IGSF11: variants seen among roughly 807,000 people sequenced by gnomAD.
IGSF11 encodes the protein immunoglobulin superfamily member 11, also known as CXADR like 1.
In IGSF11, 22 loss-of-function variants were observed where a neutral mutation model predicts 41.0. That is an observed-to-expected ratio of 0.54 (90% CI 0.38 to 0.77). IGSF11 has a LOEUF of 0.77. Among genes scored for constraint, IGSF11 ranks in the 30% least tolerant of loss-of-function variants. The probability of loss-of-function intolerance (pLI) is 0.00; values close to 1 mark genes in which losing one functional copy is unlikely to be tolerated. For missense variants in IGSF11, 444 were observed against 530.8 expected (o/e 0.84, Z 1.61); for synonymous variants, 219 against 201.3 (o/e 1.09, Z -0.74).
At chr3:118,904,131 C>A (rs556904307) in intron 6 of IGSF11, among the ~76,000 whole-genome samples, 1 of 152,244 alleles carries the variant, frequency 6.6e-6, no homozygotes, top group East Asian at 1.9e-4. Context: ...TGAGCCCGAA[C>A]CCTCAAATCT....
At chr3:119,124,596 C>T (rs2077378576) in intron 1 of IGSF11, among the ~76,000 whole-genome samples, 20 of 151,328 alleles carry the variant, frequency 1.3e-4, no homozygotes, top group Admixed American at 1.3e-3. Flanking sequence ...TGAAGACAGA[C>T]TATTTGAAAA....
chr3:119,034,591 C>A lies in IGSF11; in HGVS notation c.-9G>T, dbSNP rs751584886. The A allele has an allele frequency of 3.8e-6, 6 of 1,585,200 alleles. No homozygotes were observed. The highest frequency in any genetic ancestry group is 5.1e-6 in the Non-Finnish European group (6 of 1,167,352). On this transcript the variant is annotated 5_prime_UTR_variant, in exon 1 of 7. Coordinates refer to ENST00000393775, the MANE Select transcript of IGSF11 (RefSeq NM_001015887.3). ...GAACGCTGAGAAGTCATCCCGGGGC[C>A]GCAGGGAGCGCGCCTGCCTCCTACC...
At chr3:119,076,200 C>T (rs1576768336) in intron 1 of IGSF11, among the ~76,000 whole-genome samples, 1 of 152,172 alleles carries the variant, frequency 6.6e-6, no homozygotes, top group African/African-American at 2.4e-5. Context: ...GGAAAACTGG[C>T]TAGCCATATG....
At chr3:118,993,727 A>T (rs1936007918) in intron 1 of IGSF11, among the ~76,000 whole-genome samples, 1 of 152,226 alleles carries the variant, frequency 6.6e-6, no homozygotes, top group African/African-American at 2.4e-5. Flanking sequence ...CCTTGAAAAC[A>T]TTATATAAAG....
At chr3:118,975,363 T>TTAAAAAAAAAAAAAAA (rs765744961) in intron 1 of IGSF11, among the ~76,000 whole-genome samples, 3 of 140,698 alleles carry the variant, frequency 2.1e-5, no homozygotes, top group Admixed American at 7.1e-5. Flanking sequence ...CTGCTGGATT[T>TTAAAAAAAAAAAAAAA]AAAAAAAAAA....
chr3:119,088,672 A>C (rs1037413102), intron 1 of IGSF11, among the ~76,000 whole-genome samples: 3 of 152,176 alleles, frequency 2.0e-5, no homozygotes, highest in African/African-American at 7.2e-5. Flanking sequence ...TGGTTCTTCA[A>C]AAAATAAATA....
At chr3:118,990,446 T>C (rs762100016) in intron 1 of IGSF11, among the ~76,000 whole-genome samples, 125 of 152,320 alleles carry the variant, frequency 8.2e-4, no homozygotes, top group Middle Eastern at 3.4e-3. Flanking sequence ...TTCAATTAAG[T>C]GTCCTGATGT....
intron 4 of IGSF11, among the ~76,000 whole-genome samples, chr3:118,917,883 G>A (rs1406001002): frequency 7.3e-6 from 1 of 136,114 alleles, no homozygotes; most frequent in Non-Finnish European, 1.6e-5. Flanking sequence ...ACCGAATCCA[G>A]CAGCACATCA....
intron 1 of IGSF11, among the ~76,000 whole-genome samples, chr3:119,064,633 A>G (rs974812959): frequency 6.6e-6 from 1 of 150,954 alleles, no homozygotes; most frequent in African/African-American, 2.4e-5. Flanking sequence ...GGGAAAAAAT[A>G]TCTTTATAAT....
At position 118,924,276 on chromosome 3, in the gene IGSF11, C is replaced by T. The variant is rs528579829; in HGVS notation, c.580+1825G>A. Among the ~76,000 whole-genome samples, 5 of 152,228 alleles carry T rather than the reference C, an allele frequency of 3.3e-5. No homozygotes were observed. In the South Asian group the frequency reaches 1.0e-3, roughly 32 times the overall value. ...AAAATATTATTCCTCTGTCACCAATCAGACTTCCGGGATTCACTTTCCTGG... is the reference window on the plus strand; with the variant it reads ...AAAATATTATTCCTCTGTCACCAATTAGACTTCCGGGATTCACTTTCCTGG... On this transcript the variant is annotated intron_variant, in intron 4 of 6. Coordinates refer to ENST00000393775, the MANE Select transcript of IGSF11 (RefSeq NM_001015887.3).
chr3:119,060,267 A>G (rs1942011243), intron 1 of IGSF11, among the ~76,000 whole-genome samples: 1 of 152,162 alleles, frequency 6.6e-6, no homozygotes, highest in Non-Finnish European at 1.5e-5. Flanking sequence ...ATATTGATTA[A>G]CTTATACTTC....
At chr3:118,950,919 G>C (rs1268523560) in intron 1 of IGSF11, among the ~76,000 whole-genome samples, 1 of 152,112 alleles carries the variant, frequency 6.6e-6, no homozygotes, top group African/African-American at 2.4e-5. Context: ...CATAAGACCA[G>C]TCTTACAGTA....
At chr3:119,056,161 C>CA (rs1187373410) in intron 1 of IGSF11, among the ~76,000 whole-genome samples, 1 of 151,996 alleles carries the variant, frequency 6.6e-6, no homozygotes, top group East Asian at 1.9e-4. Context: ...AAAAACCCTT[C>CA]AAAAAATTAA....
At chr3:119,088,322 A>G (rs1287924798) in intron 1 of IGSF11, among the ~76,000 whole-genome samples, 3 of 152,118 alleles carry the variant, frequency 2.0e-5, no homozygotes, top group Admixed American at 6.6e-5. Flanking sequence ...CTTCTAAATA[A>G]CTCCTGAGTG....
At chr3:118,968,375 T>A (rs1179102757) in intron 1 of IGSF11, among the ~76,000 whole-genome samples, 3 of 152,160 alleles carry the variant, frequency 2.0e-5, no homozygotes, top group Admixed American at 1.3e-4. Context: ...AGAAATTACA[T>A]GAGAAAAGAA....
At chr3:118,909,168 T>C (rs1227454839) in intron 4 of IGSF11, among the ~76,000 whole-genome samples, 2 of 152,214 alleles carry the variant, frequency 1.3e-5, no homozygotes, top group African/African-American at 4.8e-5. Flanking sequence ...TAGATATTGA[T>C]CTTCAGGATT....
chr3:119,078,001 A>C (rs919227567), intron 1 of IGSF11, among the ~76,000 whole-genome samples: 1 of 152,206 alleles, frequency 6.6e-6, no homozygotes, highest in African/African-American at 2.4e-5. Flanking sequence ...TACAAAACAC[A>C]GCTGAAAGAA....
intron 1 of IGSF11, among the ~76,000 whole-genome samples, chr3:119,048,730 T>C (rs1941481710): frequency 1.3e-5 from 2 of 151,992 alleles, no homozygotes; most frequent in Non-Finnish European, 2.9e-5. Context: ...TTGATAAACA[T>C]TGATGCAAAA....
chr3:119,004,460 C>T (rs1195357799), intron 1 of IGSF11, among the ~76,000 whole-genome samples: 1 of 151,214 alleles, frequency 6.6e-6, no homozygotes, highest in African/African-American at 2.4e-5. Flanking sequence ...GTCACTATTT[C>T]CTTCAGTTCT....
Sources: allele counts gnomAD v4.1 joint callset (sites outside exome capture counted in the v4.1 genomes callset), GRCh38; gene constraint gnomAD v4.1.1; transcripts MANE v1.5; gene names NCBI Gene and HGNC (gene_info 2026-07-23, HGNC 2026-07-21).